The following MBOAT2 variants were observed in gnomAD, a reference collection of about 807,000 sequenced individuals.
The protein encoded by MBOAT2 is membrane-bound glycerophospholipid O-acyltransferase 2.
MBOAT2 carries 28 observed loss-of-function variants against 63.4 expected under a neutral mutation model. The ratio of observed to expected loss-of-function variants is 0.44; its 90% CI spans 0.33 to 0.61. The LOEUF is 0.61. Among genes scored for constraint, MBOAT2 ranks in the 20% least tolerant of loss-of-function variants. The pLI is 0.03. For synonymous variants in MBOAT2, 211 were observed against 215.6 expected (o/e 0.98, Z 0.19); for missense variants, 470 against 605.8 (o/e 0.78, Z 2.35).
intron 9 of MBOAT2, among the ~76,000 whole-genome samples, chr2:8,866,034 C>T (rs148070483): frequency 0.042 from 6,393 of 151,530 alleles, 148 homozygotes; most frequent in Middle Eastern, 0.058. Context: ...GAGACTTTGT[C>T]TCAAATAAAT....
At chr2:8,918,260 G>T (rs1666326213) in intron 3 of MBOAT2, among the ~76,000 whole-genome samples, 1 of 152,130 alleles carries the variant, frequency 6.6e-6, no homozygotes, top group South Asian at 2.1e-4. Context: ...AACAATTTTT[G>T]CACAAGCCCT....
At position 8,857,771 on chromosome 2, in the gene MBOAT2, G is replaced by A. The variant is rs1057507588; in HGVS notation, c.*908C>T. 2.6e-5 allele frequency: 4 copies of A among 152,144 alleles called. No individual in the cohort carries two copies. Among genetic ancestry groups the A allele is most frequent in the African/African-American group, 7.2e-5 (3 of 41,418 alleles). The allele number at this position is 152,144 out of a possible 1,614,324, so 9.4% of individuals were successfully genotyped here. A position where few individuals can be genotyped will look rare whatever the true frequency, so the allele number is the denominator to read the frequency against. ...ATTTAGAAGTCCAAAGTATCACGAAGTCATTCAACTTTTTTTTTAAGTCTC... is the reference window on the plus strand; with the variant it reads ...ATTTAGAAGTCCAAAGTATCACGAAATCATTCAACTTTTTTTTTAAGTCTC... On this transcript the variant is annotated 3_prime_UTR_variant, in exon 13 of 13. Transcript: ENST00000305997.
chr2:8,895,108 G>A (rs190105865), intron 4 of MBOAT2, among the ~76,000 whole-genome samples: 32 of 152,374 alleles, frequency 2.1e-4, no homozygotes, highest in Admixed American at 1.9e-3. Context: ...TTATTGTGAA[G>A]AGCAAAAGAA....
intron 3 of MBOAT2, among the ~76,000 whole-genome samples, chr2:8,909,931 AGAG>A (rs1359967557): frequency 6.6e-6 from 1 of 152,332 alleles, no homozygotes; most frequent in East Asian, 1.9e-4. Context: ...CTCCCCGTCA[AGAG>A]GAGGAGTCTA....
Position 8,856,060 on chromosome 2 carries a change from TC to T in MBOAT2, c.*2618del, listed in dbSNP as rs1208890294. ...ACTTCTCCAAACTAGAGGAGAGATA[TC>T]CAAAAACCATTTCATGAAAATAACT... is the stretch of plus-strand genomic sequence containing the variant. On this transcript the variant is annotated 3_prime_UTR_variant, in exon 13 of 13. Coordinates refer to ENST00000305997, the MANE Select transcript of MBOAT2 (RefSeq NM_138799.4). This position sits in a 1 kb window ranked among gnomAD's most constrained non-coding sequence, Gnocchi z 4.2. The T allele has an allele frequency of 1.3e-5, 2 of 152,134 alleles. No individual in the cohort carries two copies. The highest frequency in any genetic ancestry group is 2.9e-5 in the Non-Finnish European group (2 of 68,012). 9.4% of individuals were successfully genotyped at this position (152,134 alleles called of 1,614,324 possible).
Position 8,978,935 on chromosome 2 carries a change from A to C in MBOAT2, c.76-20293T>G, listed in dbSNP as rs1359943458. ...CTAAGTGTGATGACTGGGTTTCCACACTCATGTGTGAGATGTGCTTTCCTC... is the reference window on the plus strand; with the variant it reads ...CTAAGTGTGATGACTGGGTTTCCACCCTCATGTGTGAGATGTGCTTTCCTC... On this transcript the variant is annotated intron_variant, in intron 1 of 12. Transcript: ENST00000305997. Among the ~76,000 whole-genome samples, 3 of 151,926 alleles carry C rather than the reference A, an allele frequency of 2.0e-5. No homozygotes were observed. The East Asian group carries it at 5.8e-4, about 29-fold the overall frequency.
chr2:8,899,980 T>G (rs1049031727), intron 4 of MBOAT2, among the ~76,000 whole-genome samples: 1 of 152,216 alleles, frequency 6.6e-6, no homozygotes. Flanking sequence ...ACTTATCTTT[T>G]AGAATCAATT....
At chr2:8,926,618 T>C (rs1437114492) in intron 3 of MBOAT2, among the ~76,000 whole-genome samples, 1 of 152,140 alleles carries the variant, frequency 6.6e-6, no homozygotes, top group East Asian at 1.9e-4. Context: ...GCGAGTGCTG[T>C]GAACTGAGAG....
chr2:8,930,658 GA>G (rs1268059733), intron 3 of MBOAT2, among the ~76,000 whole-genome samples: 2 of 142,912 alleles, frequency 1.4e-5, no homozygotes, highest in African/African-American at 5.2e-5. Context: ...TCGCCACACT[GA>G]CTTCCACAAC....
chr2:8,867,672 T>C (rs891249362), intron 9 of MBOAT2, among the ~76,000 whole-genome samples: 2 of 152,220 alleles, frequency 1.3e-5, no homozygotes, highest in Non-Finnish European at 2.9e-5. Flanking sequence ...TGATCCCAAT[T>C]TATCACCAAA....
chr2:8,867,829 A>G (rs769901981), intron 9 of MBOAT2, among the ~76,000 whole-genome samples: 2 of 152,220 alleles, frequency 1.3e-5, no homozygotes, highest in African/African-American at 2.4e-5. Context: ...TACATTCTAC[A>G]TGCCAGATCC....
At chr2:8,876,260 C>A (rs1662691410) in intron 7 of MBOAT2, among the ~76,000 whole-genome samples, 1 of 152,214 alleles carries the variant, frequency 6.6e-6, no homozygotes, top group Non-Finnish European at 1.5e-5. Flanking sequence ...TTAGCATAGA[C>A]TTGAAACCAG....
intron 2 of MBOAT2, among the ~76,000 whole-genome samples, chr2:8,947,449 G>C (rs1668493902): frequency 6.6e-6 from 1 of 152,154 alleles, no homozygotes; most frequent in Admixed American, 6.5e-5. Context: ...TTTCAGTGTA[G>C]ATCTAATAGC....
At chr2:8,872,726 C>G (rs1662414077) in intron 8 of MBOAT2, among the ~76,000 whole-genome samples, 1 of 152,186 alleles carries the variant, frequency 6.6e-6, no homozygotes. Flanking sequence ...TATACTATGG[C>G]TAATGGTCTA....
At chr2:8,889,027 G>A (rs1423701326) in intron 4 of MBOAT2, among the ~76,000 whole-genome samples, 1 of 152,116 alleles carries the variant, frequency 6.6e-6, no homozygotes. Context: ...TTGCCTCAAG[G>A]TAGACTGTGC....
rs201374514 is a variant in MBOAT2 at position 8,858,923 on chromosome 2, A to T, written c.1338-19T>A. 1.9e-4 allele frequency: 297 copies of T among 1,551,080 alleles called. No individual in the cohort carries two copies. The African/African-American group carries it at 3.4e-3, about 18-fold the overall frequency. ...CCAGGAGCTAAAAGAAAAAGGGAAA[A>T]AGTTTATTAAAACTTGATAATTAAT... On this transcript the variant is annotated intron_variant, in intron 12 of 12. Transcript: ENST00000305997.
chr2:8,925,655 T>C (rs1028653858), intron 3 of MBOAT2, among the ~76,000 whole-genome samples: 1 of 152,202 alleles, frequency 6.6e-6, no homozygotes, highest in Non-Finnish European at 1.5e-5. Flanking sequence ...TCATCTAAAA[T>C]TGTCTGGCAG....
At chr2:8,879,071 G>A (rs1299984156) in intron 6 of MBOAT2, among the ~76,000 whole-genome samples, 8 of 128,044 alleles carry the variant, frequency 6.2e-5, no homozygotes, top group East Asian at 2.3e-4. Flanking sequence ...GCGAGACTCC[G>A]TCTCAAAAAA....
chr2:8,859,307 C>T (rs1661331948), intron 12 of MBOAT2, among the ~76,000 whole-genome samples: 1 of 152,168 alleles, frequency 6.6e-6, no homozygotes, highest in African/African-American at 2.4e-5. Context: ...CTGGCCTCAC[C>T]TGCTATTTAC....
Sources: gnomAD v4.1 joint callset for allele counts (sites outside exome capture counted in the v4.1 genomes callset) on GRCh38, gnomAD v4.1.1 for gene constraint, Gnocchi (gnomAD v3.1) non-coding constraint, MANE v1.5 for transcripts, NCBI Gene and HGNC (gene_info 2026-07-23, HGNC 2026-07-21) for gene names.